ST8SIA2: variants seen among roughly 807,000 people sequenced by gnomAD.
ST8SIA2 encodes the protein ST8 alpha-N-acetyl-neuraminide alpha-2,8-sialyltransferase 2, also known as alpha-2,8-sialyltransferase 8B.
A neutral mutation model predicts 37.6 loss-of-function variants in ST8SIA2; 22 were observed. That is an observed-to-expected ratio of 0.58 (90% CI 0.42 to 0.83). ST8SIA2 has a LOEUF of 0.83. Among genes scored for constraint, ST8SIA2 ranks in the 40% least tolerant of loss-of-function variants. The pLI, the probability that ST8SIA2 is intolerant of heterozygous loss-of-function variation, is 0.00. For missense variants in ST8SIA2, 382 were observed against 484.7 expected, an observed-to-expected ratio of 0.79 and a Z score of 1.99; for synonymous variants, 205 against 201.2, an observed-to-expected ratio of 1.02 and a Z score of -0.16.
At chr15:92,438,084 A>G (rs1056353636) in intron 3 of ST8SIA2, among the ~76,000 whole-genome samples, 4 of 152,060 alleles carry the variant, frequency 2.6e-5, no homozygotes, top group African/African-American at 4.8e-5. Context: ...GCCCTAATGG[A>G]GTGATTCCAC....
intron 2 of ST8SIA2, among the ~76,000 whole-genome samples, chr15:92,432,849 G>A (rs1292939172): frequency 2.0e-5 from 3 of 152,148 alleles, no homozygotes; most frequent in East Asian, 3.9e-4. Context: ...AGTCAAACTA[G>A]GGCCAAGCAT....
intron 4 of ST8SIA2, among the ~76,000 whole-genome samples, chr15:92,442,315 G>T (rs987507116): frequency 1.3e-5 from 2 of 152,190 alleles, no homozygotes; most frequent in African/African-American, 4.8e-5. Flanking sequence ...GAGGGCTGGG[G>T]CCTGCCTGCA....
chr15:92,419,719 T>G (rs1237073610), intron 1 of ST8SIA2, among the ~76,000 whole-genome samples: 2 of 152,202 alleles, frequency 1.3e-5, no homozygotes, highest in Non-Finnish European at 2.9e-5. Context: ...GAAGTAGTCC[T>G]CTCTGCCCAC....
At chr15:92,404,090 A>T (rs993615169) in intron 1 of ST8SIA2, among the ~76,000 whole-genome samples, 1 of 152,248 alleles carries the variant, frequency 6.6e-6, no homozygotes, top group Admixed American at 6.5e-5. Context: ...CCTCCAGCAG[A>T]ATGCCAGAAT....
Position 92,465,424 on chromosome 15 carries a change from T to C in ST8SIA2, c.*1039T>C, listed in dbSNP as rs2049985203. 1 of 152,208 alleles carries C rather than the reference T, an allele frequency of 6.6e-6. No individual in the cohort carries two copies. The highest frequency in any genetic ancestry group is 6.5e-5 in the Admixed American group (1 of 15,282). 9.4% of individuals were successfully genotyped at this position (152,208 alleles called of 1,614,324 possible). A position where few individuals can be genotyped will look rare whatever the true frequency, so the allele number is the denominator to read the frequency against. ...AATGTCATCCTTCTTAAAATACATA[T>C]GATTGCCTTTTTGGGTGCCTCACAG... On this transcript the variant is annotated 3_prime_UTR_variant, in exon 6 of 6. Coordinates refer to ENST00000268164, the MANE Select transcript of ST8SIA2 (RefSeq NM_006011.4).
intron 1 of ST8SIA2, among the ~76,000 whole-genome samples, chr15:92,408,517 G>A (rs979598978): frequency 6.6e-6 from 1 of 152,004 alleles, no homozygotes; most frequent in Non-Finnish European, 1.5e-5. Flanking sequence ...TGAAGGGGAG[G>A]GAGTAAGTTC....
intron 1 of ST8SIA2, among the ~76,000 whole-genome samples, chr15:92,408,700 T>TATTTATTC (rs2049527095): frequency 6.7e-6 from 1 of 150,240 alleles, no homozygotes; most frequent in Non-Finnish European, 1.5e-5. Flanking sequence ...TTTATTTATT[T>TATTTATTC]ATTTATTTAT....
At chr15:92,416,802 T>A (rs1019133016) in intron 1 of ST8SIA2, among the ~76,000 whole-genome samples, 1 of 151,558 alleles carries the variant, frequency 6.6e-6, no homozygotes, top group Non-Finnish European at 1.5e-5. Flanking sequence ...GAAAAAAAAA[T>A]GCACATGTCC....
At chr15:92,403,041 A>T (rs2049483090) in intron 1 of ST8SIA2, among the ~76,000 whole-genome samples, 1 of 151,988 alleles carries the variant, frequency 6.6e-6, no homozygotes. Flanking sequence ...CCCTTCGGGG[A>T]GGGGCCAGGC....
Position 92,397,201 on chromosome 15 carries a change from A to G in ST8SIA2, c.98+3039A>G, listed in dbSNP as rs1311583278. Among the ~76,000 whole-genome samples, 5 of 152,348 alleles carry G rather than the reference A, an allele frequency of 3.3e-5. No individual in the cohort carries two copies. The South Asian group carries it at 6.2e-4, about 19-fold the overall frequency. ...TTAAGGAATTTTAAAAAGTGAAAGA[A>G]GAAAGTGAATTACATGTGTATTATC... On this transcript the variant is annotated intron_variant, in intron 1 of 5. Coordinates refer to ENST00000268164, the MANE Select transcript of ST8SIA2 (RefSeq NM_006011.4).
At chr15:92,444,973 G>T in intron 5 of ST8SIA2, 44 bp downstream of exon 5, 4 of 1,601,254 alleles carry the variant, frequency 2.5e-6, no homozygotes, top group Non-Finnish European at 2.5e-6. Context: ...CACTAAGTGT[G>T]GGAGATTCTT....
chr15:92,464,427 A>G lies in ST8SIA2; in HGVS notation c.*42A>G, dbSNP rs755500869. The G allele has an allele frequency of 1.6e-5, 25 of 1,610,068 alleles. No individual in the cohort carries two copies. Among genetic ancestry groups the G allele is most frequent in the Non-Finnish European group, 2.0e-5 (24 of 1,177,940 alleles). ...GACTCAGTGGCTCACATTTCCTGCC[A>G]GCTACACCACAGGCAGATGGGAGTC... On this transcript the variant is annotated 3_prime_UTR_variant, in exon 6 of 6. Transcript: ENST00000268164.
At chr15:92,458,851 A>G (rs4777715) in intron 5 of ST8SIA2, among the ~76,000 whole-genome samples, 60,996 of 152,072 alleles carry the variant, frequency 0.4, 12,338 homozygotes, top group Admixed American at 0.48. Context: ...TGCTAAGCAC[A>G]ATAAGAGAAG....
chr15:92,455,351 TTC>T (rs996310613), intron 5 of ST8SIA2, among the ~76,000 whole-genome samples: 1 of 151,988 alleles, frequency 6.6e-6, no homozygotes, highest in Non-Finnish European at 1.5e-5. Context: ...GTGTAATGGA[TTC>T]TCTCTCTCTC....
At chr15:92,396,637 GCACC>G (rs1257930072) in intron 1 of ST8SIA2, among the ~76,000 whole-genome samples, 19 of 151,990 alleles carry the variant, frequency 1.3e-4, no homozygotes, top group African/African-American at 3.6e-4. Flanking sequence ...GGGATTACAG[GCACC>G]TGCCACCACA....
rs1013856774 is a variant in ST8SIA2, at chr15:92,464,481, G to A, written c.*96G>A. On this transcript the variant is annotated 3_prime_UTR_variant, in exon 6 of 6. Coordinates refer to ENST00000268164, the MANE Select transcript of ST8SIA2 (RefSeq NM_006011.4). ...GTGGCACAAACAATAGAACAAGCAG[G>A]CTAGTGGTTTTCTTTGTTAAAGTGT... The A allele has an allele frequency of 7.1e-7, 1 of 1,401,710 alleles. No individual in the cohort carries two copies. The highest frequency in any genetic ancestry group is 1.0e-6 in the Non-Finnish European group (1 of 990,178). 86.8% of individuals were successfully genotyped at this position (1,401,710 alleles called of 1,614,324 possible).
At chr15:92,413,618 A>G (rs2049566101) in intron 1 of ST8SIA2, among the ~76,000 whole-genome samples, 1 of 152,192 alleles carries the variant, frequency 6.6e-6, no homozygotes, top group Non-Finnish European at 1.5e-5. Flanking sequence ...GTGTCCCGGG[A>G]AGCCCTTTGT....
chr15:92,462,421 C>CT (rs1211099685), intron 5 of ST8SIA2, among the ~76,000 whole-genome samples: 1 of 152,138 alleles, frequency 6.6e-6, no homozygotes, highest in Non-Finnish European at 1.5e-5. Flanking sequence ...TATGGGTTTC[C>CT]TTTTATGAGC....
intron 1 of ST8SIA2, among the ~76,000 whole-genome samples, chr15:92,420,272 T>C (rs182450932): frequency 3.2e-4 from 48 of 152,298 alleles, no homozygotes; most frequent in African/African-American, 1.1e-3. Flanking sequence ...CTGGTTGGCG[T>C]TTCTGTTCAC....
Sources: allele counts gnomAD v4.1 joint callset (sites outside exome capture counted in the v4.1 genomes callset), GRCh38; gene constraint gnomAD v4.1.1; transcripts MANE v1.5; gene names NCBI Gene and HGNC (gene_info 2026-07-23, HGNC 2026-07-21).